The following SLX4IP variants were observed in gnomAD, a reference collection of about 807,000 sequenced individuals.
SLX4IP encodes the protein SLX4 interacting protein.
A neutral mutation model predicts 32.9 loss-of-function variants in SLX4IP; 34 were observed. The ratio of observed to expected loss-of-function variants is 1.03; its 90% CI spans 0.79 to 1.38. The LOEUF (loss-of-function observed/expected upper bound fraction) is 1.38, where lower values mean the gene tolerates loss of function less well. Among genes scored for constraint, SLX4IP ranks in the 40% most tolerant of loss-of-function variants. SLX4IP has a pLI of 0.00. For missense variants in SLX4IP, 444 were observed against 479.0 expected (o/e 0.93, Z 0.68); for synonymous variants, 172 against 171.7 (o/e 1.00, Z -0.01).
At chr20:10,561,856 A>G (rs1019533855) in intron 4 of SLX4IP, among the ~76,000 whole-genome samples, 24 of 152,208 alleles carry the variant, frequency 1.6e-4, no homozygotes, top group African/African-American at 5.5e-4. Flanking sequence ...GCTGAGTAGT[A>G]TTCCATCGTG....
At chr20:10,576,542 A>G (rs767739926) in intron 4 of SLX4IP, among the ~76,000 whole-genome samples, 2 of 152,224 alleles carry the variant, frequency 1.3e-5, no homozygotes, top group Non-Finnish European at 2.9e-5. Context: ...CTGTTTTGTG[A>G]AATGTCTTGA....
intron 2 of SLX4IP, among the ~76,000 whole-genome samples, chr20:10,473,803 A>G (rs2065448828): frequency 1.3e-5 from 2 of 150,908 alleles, no homozygotes; most frequent in Non-Finnish European, 3.0e-5. Flanking sequence ...ACGGGGTTTC[A>G]CCATGTTGGC....
At chr20:10,614,035 G>A in intron 6 of SLX4IP, 1 of 1,431,738 alleles carries the variant, frequency 7.0e-7, no homozygotes, top group Non-Finnish European at 9.8e-7. Flanking sequence ...ACTTTTTCCA[G>A]GATCTGGAAG....
At chr20:10,536,947 C>A (rs905568920) in intron 2 of SLX4IP, among the ~76,000 whole-genome samples, 1 of 152,152 alleles carries the variant, frequency 6.6e-6, no homozygotes, top group South Asian at 2.1e-4. Flanking sequence ...CCTGTGAAAC[C>A]CTGTCTGGCT....
intron 4 of SLX4IP, among the ~76,000 whole-genome samples, chr20:10,579,076 G>T (rs543844246): frequency 1.2e-3 from 189 of 152,020 alleles, no homozygotes; most frequent in African/African-American, 4.3e-3. Context: ...TAATTTTAAT[G>T]ATGTCCAATT....
intron 6 of SLX4IP, among the ~76,000 whole-genome samples, chr20:10,620,655 G>A (rs2067098786): frequency 1.3e-5 from 2 of 152,080 alleles, no homozygotes; most frequent in Admixed American, 6.5e-5. Flanking sequence ...CCGGGTTCAC[G>A]CCATTCTCCT....
intron 2 of SLX4IP, among the ~76,000 whole-genome samples, chr20:10,458,519 C>T: frequency 6.6e-6 from 1 of 152,124 alleles, no homozygotes; most frequent in South Asian, 2.1e-4. Flanking sequence ...TCTCCCTCCC[C>T]CTTCCCCCAC....
At chr20:10,486,684 G>A (rs7271668) in intron 2 of SLX4IP, among the ~76,000 whole-genome samples, 9,875 of 152,156 alleles carry the variant, frequency 0.065, 979 homozygotes, top group African/African-American at 0.21. Flanking sequence ...TCTTCTCTGG[G>A]ATAAATGATC....
chr20:10,521,320 T>C (rs1415610624), intron 2 of SLX4IP, among the ~76,000 whole-genome samples: 1 of 152,166 alleles, frequency 6.6e-6, no homozygotes, highest in African/African-American at 2.4e-5. Flanking sequence ...TCCTCTCTCT[T>C]GTTCCATTCA....
At chr20:10,453,332 G>GTGTGTGTGTA (rs1568687630) in intron 1 of SLX4IP, among the ~76,000 whole-genome samples, 340 of 151,844 alleles carry the variant, frequency 2.2e-3, no homozygotes, top group African/African-American at 7.5e-3. Context: ...GTGTGTGTGT[G>GTGTGTGTGTA]TAGATCTTCC....
At chr20:10,459,933 A>T (rs984993851) in intron 2 of SLX4IP, among the ~76,000 whole-genome samples, 1 of 152,264 alleles carries the variant, frequency 6.6e-6, no homozygotes, top group Non-Finnish European at 1.5e-5. Context: ...ACATCAAAAT[A>T]TAAATTACAA....
At chr20:10,598,207 A>G (rs574357034) in intron 4 of SLX4IP, among the ~76,000 whole-genome samples, 9 of 152,362 alleles carry the variant, frequency 5.9e-5, no homozygotes, top group Admixed American at 3.3e-4. Flanking sequence ...AAGAGGCAAG[A>G]TAGTAATGTT....
chr20:10,568,976 CT>C (rs1391383786), intron 4 of SLX4IP, among the ~76,000 whole-genome samples: 1 of 152,148 alleles, frequency 6.6e-6, no homozygotes, highest in African/African-American at 2.4e-5. Context: ...GAATATTTCT[CT>C]TTTTCCCTTG....
chr20:10,619,278 C>T lies in SLX4IP; in HGVS notation c.406-2036C>T, dbSNP rs370320850. ...TTACACTTTTTGAACAGGACATTTC[C>T]TCCTGTCACTCTTATCACCTTTTCT... is the stretch of plus-strand genomic sequence containing the variant. On this transcript the variant is annotated intron_variant, in intron 6 of 7. Coordinates refer to ENST00000334534, the MANE Select transcript of SLX4IP (RefSeq NM_001009608.3). Among the ~76,000 whole-genome samples the T allele has an allele frequency of 8.4e-4, 121 of 144,370 alleles. 1 individual carries two copies. The South Asian group carries it at 0.026, about 31-fold the overall frequency. 94.7% of individuals were successfully genotyped at this position (144,370 alleles called of 152,430 possible). A position where few individuals can be genotyped will look rare whatever the true frequency, so the allele number is the denominator to read the frequency against.
intron 2 of SLX4IP, among the ~76,000 whole-genome samples, chr20:10,474,584 T>G (rs749593608): frequency 6.6e-6 from 1 of 152,172 alleles, no homozygotes; most frequent in African/African-American, 2.4e-5. Flanking sequence ...CCGCTCCCAT[T>G]TGTGGTCAAA....
intron 6 of SLX4IP, among the ~76,000 whole-genome samples, chr20:10,605,043 C>T (rs1392057341): frequency 3.3e-5 from 5 of 152,130 alleles, no homozygotes; most frequent in Non-Finnish European, 5.9e-5. Flanking sequence ...TTCTTATTTA[C>T]AAACCCAAAA....
chr20:10,562,676 C>G (rs2122504605), intron 4 of SLX4IP, among the ~76,000 whole-genome samples: 1 of 152,348 alleles, frequency 6.6e-6, no homozygotes, highest in Non-Finnish European at 1.5e-5. Flanking sequence ...CTGCCCTTCT[C>G]TACCCAGCAC....
intron 2 of SLX4IP, among the ~76,000 whole-genome samples, chr20:10,528,542 C>T (rs1478093203): frequency 6.6e-6 from 1 of 152,204 alleles, no homozygotes; most frequent in African/African-American, 2.4e-5. Flanking sequence ...TTAAGCTTCA[C>T]TGGCCTTGCC....
chr20:10,457,522 A>G (rs1327007032), intron 1 of SLX4IP, among the ~76,000 whole-genome samples: 2 of 150,480 alleles, frequency 1.3e-5, no homozygotes, highest in African/African-American at 4.9e-5. Flanking sequence ...ATTAATTTTC[A>G]GATCTTAAAC....
Sources: gnomAD v4.1 joint callset for allele counts (sites outside exome capture counted in the v4.1 genomes callset) on GRCh38, gnomAD v4.1.1 for gene constraint, MANE v1.5 for transcripts, NCBI Gene and HGNC (gene_info 2026-07-23, HGNC 2026-07-21) for gene names.